EXOC4: variants seen among roughly 807,000 people sequenced by gnomAD.
EXOC4 encodes the protein exocyst complex component 4.
A neutral mutation model predicts 107.2 loss-of-function variants in EXOC4; 71 were observed. The ratio of observed to expected loss-of-function variants is 0.66; its 90% CI spans 0.55 to 0.81. EXOC4 has a LOEUF of 0.81. Ranked by LOEUF, EXOC4 falls within the 30% of genes least tolerant of loss-of-function variation. The pLI is 0.00. For missense variants in EXOC4, 1,108 were observed against 1,189.6 expected, an observed-to-expected ratio of 0.93 and a Z score of 1.01; for synonymous variants, 456 against 441.2, an observed-to-expected ratio of 1.03 and a Z score of -0.42.
At chr7:133,819,888 A>G (rs1797469858) in intron 11 of EXOC4, among the ~76,000 whole-genome samples, 1 of 152,162 alleles carries the variant, frequency 6.6e-6, no homozygotes, top group Non-Finnish European at 1.5e-5. Flanking sequence ...TGTCAAGGCC[A>G]TATGCTACCA....
intron 7 of EXOC4, among the ~76,000 whole-genome samples, chr7:133,450,204 G>A (rs1798310439): frequency 6.6e-6 from 1 of 151,680 alleles, no homozygotes; most frequent in South Asian, 2.1e-4. Flanking sequence ...ACAGAGTCTT[G>A]CCCTGTTGCC....
chr7:134,016,744 T>C (rs1279985066), intron 17 of EXOC4, among the ~76,000 whole-genome samples: 1 of 152,202 alleles, frequency 6.6e-6, no homozygotes, highest in East Asian at 1.9e-4. Context: ...TAAATTTATT[T>C]CCTACAAACC....
At chr7:133,869,666 A>G (rs936511187) in intron 11 of EXOC4, among the ~76,000 whole-genome samples, 4 of 152,200 alleles carry the variant, frequency 2.6e-5, no homozygotes, top group African/African-American at 9.7e-5. Flanking sequence ...CACATCAACT[A>G]TGGCAGGAAA....
chr7:134,091,730 A>G, the EXOC4 span, among the ~76,000 whole-genome samples: 4 of 152,196 alleles, frequency 2.6e-5, no homozygotes, highest in African/African-American at 9.7e-5. Context: ...TAAGCAGAGT[A>G]AAGTCTGCTC....
intron 10 of EXOC4, among the ~76,000 whole-genome samples, chr7:133,810,596 C>CTTTATTTTATTTTAT (rs60838740): frequency 0.015 from 1,539 of 103,854 alleles, 40 homozygotes; most frequent in African/African-American, 0.048. Flanking sequence ...CCATGCTTTG[C>CTTTATTTTATTTTAT]TTTATTTTAT....
intron 11 of EXOC4, among the ~76,000 whole-genome samples, chr7:133,846,470 G>A (rs188345721): frequency 4.6e-5 from 7 of 152,204 alleles, no homozygotes; most frequent in Admixed American, 3.3e-4. Context: ...TGTGGGTGGC[G>A]TTCATCCTGT....
At chr7:133,915,741 C>T (rs949827068) in intron 12 of EXOC4, among the ~76,000 whole-genome samples, 2 of 151,756 alleles carry the variant, frequency 1.3e-5, no homozygotes, top group Non-Finnish European at 2.9e-5. Flanking sequence ...AGAAAAGATG[C>T]AAGGAAATAA....
intron 14 of EXOC4, among the ~76,000 whole-genome samples, chr7:133,994,712 G>A (rs1190907046): frequency 1.3e-5 from 2 of 151,754 alleles, no homozygotes; most frequent in East Asian, 1.9e-4. Flanking sequence ...TAATACTATA[G>A]ATAAATATAC....
chr7:133,543,235 C>T (rs1003744093), intron 9 of EXOC4, among the ~76,000 whole-genome samples: 1 of 152,018 alleles, frequency 6.6e-6, no homozygotes, highest in Admixed American at 6.6e-5. Flanking sequence ...GACATAATCT[C>T]AATAGCCTAA....
intron 12 of EXOC4, among the ~76,000 whole-genome samples, chr7:133,909,845 A>G (rs1799650000): frequency 1.3e-5 from 2 of 152,148 alleles, no homozygotes; most frequent in Admixed American, 1.3e-4. Context: ...AAAGATCTTA[A>G]TGATATTCAA....
At chr7:133,726,215 T>A (rs2151111945) in intron 10 of EXOC4, among the ~76,000 whole-genome samples, 1 of 152,300 alleles carries the variant, frequency 6.6e-6, no homozygotes, top group East Asian at 1.9e-4. Context: ...GACTAATCCT[T>A]GGCATACTTC....
chr7:133,527,323 G>A (rs918323168), intron 9 of EXOC4, among the ~76,000 whole-genome samples: 15 of 152,206 alleles, frequency 9.9e-5, no homozygotes, highest in African/African-American at 3.6e-4. Flanking sequence ...AGAATCGCAT[G>A]AACCTGGGAC....
intron 10 of EXOC4, among the ~76,000 whole-genome samples, chr7:133,795,832 T>C (rs535349919): frequency 3.9e-5 from 6 of 152,222 alleles, no homozygotes; most frequent in Non-Finnish European, 8.8e-5. Context: ...GGGGTATTAA[T>C]TTCACCAACT....
chr7:133,439,636 C>T (rs929060495), intron 7 of EXOC4, among the ~76,000 whole-genome samples: 2 of 152,202 alleles, frequency 1.3e-5, no homozygotes, highest in African/African-American at 4.8e-5. Flanking sequence ...AATGATACCA[C>T]ACAAAGCTAC....
intron 10 of EXOC4, among the ~76,000 whole-genome samples, chr7:133,712,161 C>T (rs1034508086): frequency 3.3e-5 from 5 of 152,020 alleles, no homozygotes; most frequent in South Asian, 2.1e-4. Flanking sequence ...GCCCTCTGGC[C>T]GGACGCAGTG....
At chr7:133,881,937 A>C (rs936459847) in intron 11 of EXOC4, among the ~76,000 whole-genome samples, 1 of 152,218 alleles carries the variant, frequency 6.6e-6, no homozygotes, top group African/African-American at 2.4e-5. Context: ...TAAATTGTTT[A>C]AAATTGAGGC....
intron 5 of EXOC4, 21 bp from the exon 6 acceptor site, chr7:133,356,309 T>A: frequency 6.2e-7 from 1 of 1,612,324 alleles, no homozygotes; most frequent in Non-Finnish European, 8.5e-7. Context: ...TATCTATTAT[T>A]GTTATTATTT....
intron 14 of EXOC4, among the ~76,000 whole-genome samples, chr7:133,945,231 G>A (rs750590116): frequency 6.6e-6 from 1 of 152,096 alleles, no homozygotes; most frequent in Non-Finnish European, 1.5e-5. Context: ...CAGCCTCATC[G>A]CATTAGAAAT....
intron 7 of EXOC4, among the ~76,000 whole-genome samples, chr7:133,409,418 A>G (rs1797305661): frequency 6.6e-6 from 1 of 152,192 alleles, no homozygotes. Flanking sequence ...TCTCAAAGCA[A>G]TCATGTGAAG....
Sources: allele counts gnomAD v4.1 joint callset (sites outside exome capture counted in the v4.1 genomes callset), GRCh38; gene constraint gnomAD v4.1.1; transcripts MANE v1.5; gene names NCBI Gene and HGNC (gene_info 2026-07-23, HGNC 2026-07-21).